Variants in SRPK2 observed in about 807,000 individuals in gnomAD.
SRPK2 encodes the protein SRSF protein kinase 2, also known as SFRS protein kinase 2.
In SRPK2, 21 loss-of-function variants were observed where a neutral mutation model predicts 90.8. The ratio of observed to expected loss-of-function variants is 0.23; its 90% CI spans 0.16 to 0.33. The LOEUF is 0.33. Ranked by LOEUF, SRPK2 falls within the 10% of genes least tolerant of loss-of-function variation. The pLI is 1.00. For synonymous variants in SRPK2, 288 were observed against 311.1 expected (o/e 0.93, Z 0.78); for missense variants, 620 against 869.0 (o/e 0.71, Z 3.60).
chr7:105,176,980 T>C (rs1312072874), intron 3 of SRPK2, among the ~76,000 whole-genome samples: 3 of 152,152 alleles, frequency 2.0e-5, no homozygotes, highest in Non-Finnish European at 4.4e-5. Context: ...TTCAATGATT[T>C]TGATCACTTT....
In SRPK2 at chr7:105,142,056, C is replaced by T; in HGVS notation, c.1495G>A (p.Asp499Asn). 1 of 1,614,104 alleles carries T rather than the reference C, an allele frequency of 6.2e-7. No individual in the cohort carries two copies. The highest frequency in any genetic ancestry group is 8.5e-7 in the Non-Finnish European group (1 of 1,180,002). Residue 499 changes from aspartate (D) to asparagine (N), a missense_variant, in exon 11 of 16, where the codon GAC becomes AAC. Physicochemically the swap from Asp to Asn is conservative, Grantham distance 23. Coordinates refer to ENST00000393651, the MANE Select transcript of SRPK2 (RefSeq NM_182692.3). ...GAGGCTGAAACCGTTCTGCTTCTGT[C>T]ATGGGATGGACTGCTCTCCTCTTGC... is the stretch of plus-strand genomic sequence containing the variant. ...TEQEESSPSH[D>N]RSRTVSASST...
chr7:105,294,165 A>G (rs1162793290), intron 2 of SRPK2, among the ~76,000 whole-genome samples: 1 of 152,228 alleles, frequency 6.6e-6, no homozygotes, highest in Non-Finnish European at 1.5e-5. Context: ...ATCAGGCCCA[A>G]TCCCCAAAGT....
Position 105,388,540 on chromosome 7 carries a change from C to T in SRPK2, c.71+108G>A, listed in dbSNP as rs1821929141. 16 of 1,004,374 alleles carry T rather than the reference C, an allele frequency of 1.6e-5. No individual in the cohort carries two copies. The South Asian group carries it at 2.8e-4, about 17-fold the overall frequency. 62.2% of individuals were successfully genotyped at this position (1,004,374 alleles called of 1,614,324 possible). A position where few individuals can be genotyped will look rare whatever the true frequency, so the allele number is the denominator to read the frequency against. ...AGCCGAGCGCCAGCGTCCCGGGGGA[C>T]CAGCCCGCCCGCCGGCCCGGGGACC... On this transcript the variant is annotated intron_variant, in intron 2 of 15. Coordinates refer to ENST00000393651, the MANE Select transcript of SRPK2 (RefSeq NM_182692.3).
chr7:105,352,722 A>C (rs921200879), intron 2 of SRPK2, among the ~76,000 whole-genome samples: 1 of 152,136 alleles, frequency 6.6e-6, no homozygotes. Flanking sequence ...CAACATAGTG[A>C]AACCCAGTCT....
At chr7:105,247,773 C>G (rs188638885) in intron 2 of SRPK2, among the ~76,000 whole-genome samples, 338 of 151,900 alleles carry the variant, frequency 2.2e-3, no homozygotes, top group Non-Finnish European at 3.1e-3. Context: ...GTTGCCCAGG[C>G]TGGTTTTGAA....
At chr7:105,169,702 C>T (rs1790556455) in intron 3 of SRPK2, among the ~76,000 whole-genome samples, 2 of 152,168 alleles carry the variant, frequency 1.3e-5, no homozygotes, top group Admixed American at 6.5e-5. Flanking sequence ...GACTGCAATC[C>T]AGACAGCCTG....
chr7:105,331,288 G>A (rs573383720), intron 2 of SRPK2, among the ~76,000 whole-genome samples: 159 of 107,904 alleles, frequency 1.5e-3, no homozygotes, highest in Non-Finnish European at 2.3e-3. Flanking sequence ...CAGCCTGGGC[G>A]ACAGAGCGAG....
Position 105,233,080 on chromosome 7 carries a change from AAAGGAAGGAAAGAAGG to A in SRPK2, c.72-29311_72-29296del, listed in dbSNP as rs1338309796. On this transcript the variant is annotated intron_variant, in intron 2 of 15. Coordinates refer to ENST00000393651, the MANE Select transcript of SRPK2 (RefSeq NM_182692.3). ...GGAGGGAGCAAGGAAGGAAGGAAGG[AAAGGAAGGAAAGAAGG>A]AAGGAAGGAAGGAAGGAAGGAAGGA... Among the ~76,000 whole-genome samples, 90 of 117,162 alleles carry A rather than the reference AAAGGAAGGAAAGAAGG, an allele frequency of 7.7e-4. 1 individual carries two copies. Among genetic ancestry groups the A allele is most frequent in the South Asian group, 7.2e-3 (25 of 3,472 alleles). The allele number at this position is 117,162 out of a possible 152,430, so 76.9% of individuals were successfully genotyped here.
At chr7:105,227,587 T>C (rs1798866413) in intron 2 of SRPK2, among the ~76,000 whole-genome samples, 1 of 152,106 alleles carries the variant, frequency 6.6e-6, no homozygotes, top group Admixed American at 6.5e-5. Context: ...CAAGTGTTGG[T>C]GAGGATCCTG....
chr7:105,162,541 G>C (rs1406826613), intron 6 of SRPK2, among the ~76,000 whole-genome samples: 15 of 152,132 alleles, frequency 9.9e-5, no homozygotes, highest in South Asian at 2.1e-4. Flanking sequence ...TATAATAACT[G>C]AATATGCTAT....
At chr7:105,265,371 C>T (rs530310533) in intron 2 of SRPK2, among the ~76,000 whole-genome samples, 3 of 152,062 alleles carry the variant, frequency 2.0e-5, no homozygotes, top group Non-Finnish European at 2.9e-5. Flanking sequence ...ACATATGGGA[C>T]GAAGTACACA....
chr7:105,152,023 CA>C (rs34579509), intron 7 of SRPK2, among the ~76,000 whole-genome samples: 40,773 of 108,282 alleles, frequency 0.38, 5,596 homozygotes, highest in Middle Eastern at 0.45. Flanking sequence ...GGTTCTGTCT[CA>C]AAAAAAAAAA....
In SRPK2 at chr7:105,301,493, T is replaced by G. The variant is rs1810551466; in HGVS notation, c.71+87155A>C. The G allele has an allele frequency of 4.2e-6, 5 of 1,198,442 alleles. No individual in the cohort carries two copies. In the South Asian group the frequency reaches 6.0e-5, roughly 14 times the overall value. The allele number at this position is 1,198,442 out of a possible 1,614,324, so 74.2% of individuals were successfully genotyped here. On this transcript the variant is annotated intron_variant, in intron 2 of 15. Transcript: ENST00000393651. ...CTTCGTTGTTGCAAGCACCGTCCAC[T>G]CAGGAGGCGCCCCGCAACCGGTGTG...
intron 2 of SRPK2, among the ~76,000 whole-genome samples, chr7:105,254,154 G>T (rs946794292): frequency 6.6e-6 from 1 of 152,156 alleles, no homozygotes; most frequent in African/African-American, 2.4e-5. Flanking sequence ...CGTTACAGCT[G>T]ATTGTACTGA....
At chr7:105,246,888 T>C (rs972192072) in intron 2 of SRPK2, among the ~76,000 whole-genome samples, 1 of 152,200 alleles carries the variant, frequency 6.6e-6, no homozygotes, top group Non-Finnish European at 1.5e-5. Flanking sequence ...CATTTCCCAA[T>C]AAAGGAAGCT....
At chr7:105,269,844 A>C (rs1352377815) in intron 2 of SRPK2, among the ~76,000 whole-genome samples, 1 of 152,216 alleles carries the variant, frequency 6.6e-6, no homozygotes, top group Non-Finnish European at 1.5e-5. Context: ...TCCTATCCCT[A>C]ATAAGTATTT....
intron 2 of SRPK2, among the ~76,000 whole-genome samples, chr7:105,330,547 C>T (rs1255748244): frequency 6.6e-6 from 1 of 151,948 alleles, no homozygotes; most frequent in Non-Finnish European, 1.5e-5. Context: ...ATGACTCTTC[C>T]TAGAAAACCC....
intron 2 of SRPK2, among the ~76,000 whole-genome samples, chr7:105,345,202 G>GGGGAA (rs1816317990): frequency 1.3e-5 from 2 of 151,144 alleles, no homozygotes; most frequent in African/African-American, 2.4e-5. Flanking sequence ...GGGGAGGGGA[G>GGGGAA]GGGAAGGGAG....
At chr7:105,380,814 G>C (rs998847370) in intron 2 of SRPK2, among the ~76,000 whole-genome samples, 1 of 151,670 alleles carries the variant, frequency 6.6e-6, no homozygotes, top group East Asian at 1.9e-4. Context: ...AAGCTACCAC[G>C]CCCAGCTGCT....
Sources: gnomAD v4.1 joint callset for allele counts (sites outside exome capture counted in the v4.1 genomes callset) on GRCh38, gnomAD v4.1.1 for gene constraint, MANE v1.5 for transcripts, NCBI Gene and HGNC (gene_info 2026-07-23, HGNC 2026-07-21) for gene names.